Variants in LRP1B observed in about 807,000 individuals in gnomAD.
LRP1B encodes the protein low-density lipoprotein receptor-related protein 1B.
Under a neutral mutation model 556.6 loss-of-function variants are expected in LRP1B, and 217 were observed. The ratio of observed to expected loss-of-function variants is 0.39; its 90% confidence interval spans 0.35 to 0.44. The LOEUF (loss-of-function observed/expected upper bound fraction) is 0.44. Among genes scored for constraint, LRP1B ranks in the 20% least tolerant of loss-of-function variants. The probability of loss-of-function intolerance (pLI) is 1.00; values close to 1 mark genes in which losing one functional copy is unlikely to be tolerated. For synonymous variants in LRP1B, 2,047 were observed against 1,865.8 expected (o/e 1.10, Z -2.50); for missense variants, 5,053 against 5,620.8 (o/e 0.90, Z 3.23).
chr2:141,288,388 C>T lies in LRP1B; in HGVS notation c.344-33747G>A, dbSNP rs184327815. On this transcript the variant is annotated intron_variant, in intron 3 of 90. Coordinates refer to ENST00000389484, the MANE Select transcript of LRP1B (RefSeq NM_018557.3). Reference sequence around the variant, plus strand: ...CTTAAATAGAGCCATTTTTTTCCTCCACAATGCAGTGAAAATGCATATTTC... The same window carrying T: ...CTTAAATAGAGCCATTTTTTTCCTCTACAATGCAGTGAAAATGCATATTTC... Among the ~76,000 whole-genome samples, 170 of 151,956 alleles carry T rather than the reference C, an allele frequency of 1.1e-3. 1 individual carries two copies. The highest frequency in any genetic ancestry group is 3.4e-3 in the Middle Eastern group (1 of 294).
rs530482306 is a variant in LRP1B at position 141,220,470 on chromosome 2, G to A, written c.850+8713C>T. Among the ~76,000 whole-genome samples the A allele has an allele frequency of 1.9e-3, 293 of 152,202 alleles. 2 individuals carry two copies. Among genetic ancestry groups the A allele is most frequent in the African/African-American group, 6.6e-3 (274 of 41,542 alleles). The stretch of plus-strand genomic sequence containing the variant: ...ATGCGGTACCTGAAAGAGACAGGGA[G>A]AATGGAACTAAGTTGGAAAACATAC... On this transcript the variant is annotated intron_variant, in intron 6 of 90. Transcript: ENST00000389484.
At chr2:142,051,463 GT>G (rs1279750230) in intron 1 of LRP1B, among the ~76,000 whole-genome samples, 3 of 97,940 alleles carry the variant, frequency 3.1e-5, no homozygotes, top group Admixed American at 1.2e-4. Flanking sequence ...TTAAAGGTGT[GT>G]TTTTTTGTTT....
intron 20 of LRP1B, among the ~76,000 whole-genome samples, chr2:140,925,203 C>A (rs1694851923): frequency 6.6e-6 from 1 of 152,050 alleles, no homozygotes; most frequent in African/African-American, 2.4e-5. Flanking sequence ...AAACCAATCC[C>A]CAGTGTATAT....
chr2:140,819,018 T>G (rs749525220), intron 31 of LRP1B, among the ~76,000 whole-genome samples: 21 of 151,868 alleles, frequency 1.4e-4, no homozygotes, highest in Admixed American at 4.6e-4. Flanking sequence ...CCCTGGCTTC[T>G]CTGTGAAGTG....
chr2:140,609,473 G>A (rs1049379492), intron 41 of LRP1B, among the ~76,000 whole-genome samples: 3 of 151,554 alleles, frequency 2.0e-5, no homozygotes, highest in South Asian at 2.1e-4. Context: ...CCATACGTAC[G>A]TCCAACCATG....
intron 18 of LRP1B, among the ~76,000 whole-genome samples, chr2:140,952,556 G>C (rs1019339727): frequency 7.3e-5 from 11 of 150,374 alleles, no homozygotes; most frequent in African/African-American, 2.4e-4. Context: ...AAATAGCAAA[G>C]AATTAGATTT....
At chr2:140,588,977 A>G (rs1403837721) in intron 43 of LRP1B, among the ~76,000 whole-genome samples, 5 of 152,156 alleles carry the variant, frequency 3.3e-5, no homozygotes, top group East Asian at 3.8e-4. Flanking sequence ...AAAAAAAAAA[A>G]AAAAAGATGG....
intron 7 of LRP1B, among the ~76,000 whole-genome samples, chr2:141,094,426 G>A (rs1317142293): frequency 1.3e-5 from 2 of 151,860 alleles, no homozygotes; most frequent in Middle Eastern, 3.4e-3. Context: ...GTGTTTAAGG[G>A]GGTCTTAGAG....
At chr2:140,562,255 T>A (rs1680958366) in intron 43 of LRP1B, among the ~76,000 whole-genome samples, 1 of 152,184 alleles carries the variant, frequency 6.6e-6, no homozygotes, top group Admixed American at 6.5e-5. Flanking sequence ...ATATTTTGAC[T>A]GAATATTTGA....
At chr2:140,395,520 G>C (rs754655507) in intron 66 of LRP1B, among the ~76,000 whole-genome samples, 8 of 152,208 alleles carry the variant, frequency 5.3e-5, no homozygotes, top group Non-Finnish European at 1.0e-4. Flanking sequence ...AAAGTGGACA[G>C]GTTATGTGGA....
intron 41 of LRP1B, among the ~76,000 whole-genome samples, chr2:140,610,752 A>AT (rs1433588896): frequency 6.6e-6 from 1 of 152,010 alleles, no homozygotes; most frequent in Non-Finnish European, 1.5e-5. Flanking sequence ...TGGCCGGCTA[A>AT]TTTTTTGTAT....
chr2:141,886,291 A>C (rs1699107958), intron 1 of LRP1B, among the ~76,000 whole-genome samples: 1 of 152,016 alleles, frequency 6.6e-6, no homozygotes, highest in Admixed American at 6.6e-5. Flanking sequence ...TTTCCATTAT[A>C]TTTTTCTGCA....
chr2:140,744,209 T>C (rs1257281571), intron 35 of LRP1B, among the ~76,000 whole-genome samples: 1 of 151,792 alleles, frequency 6.6e-6, no homozygotes, highest in Non-Finnish European at 1.5e-5. Context: ...GATATACATA[T>C]ACCATTGCAT....
chr2:141,162,897 G>A (rs141063066), intron 7 of LRP1B, among the ~76,000 whole-genome samples: 2 of 152,208 alleles, frequency 1.3e-5, no homozygotes, highest in African/African-American at 4.8e-5. Flanking sequence ...TTTTCCAGAT[G>A]CTTATAGTAT....
rs185639515 is a variant in LRP1B, at chr2:140,999,757, G to T, written c.2503+5578C>A. On this transcript the variant is annotated intron_variant, in intron 15 of 90. Coordinates refer to ENST00000389484, the MANE Select transcript of LRP1B (RefSeq NM_018557.3). Reference sequence around the variant, plus strand: ...CTACTGAACATGTTTTGTTGTTTTTGGTTTGGCAATTAGGGCAAAGAAGAA... The same window carrying T: ...CTACTGAACATGTTTTGTTGTTTTTTGTTTGGCAATTAGGGCAAAGAAGAA... Among the ~76,000 whole-genome samples, 608 of 152,068 alleles carry T rather than the reference G, an allele frequency of 4.0e-3. 2 individuals carry two copies. The highest frequency in any genetic ancestry group is 7.0e-3 in the Non-Finnish European group (476 of 67,964).
intron 2 of LRP1B, among the ~76,000 whole-genome samples, chr2:141,635,911 T>C (rs1222704788): frequency 1.3e-5 from 2 of 152,198 alleles, no homozygotes; most frequent in Non-Finnish European, 2.9e-5. Context: ...TCTGGTTTTA[T>C]ACCTTCAGGA....
chr2:141,439,239 T>G lies in LRP1B; in HGVS notation c.343+41157A>C, dbSNP rs555131779. On this transcript the variant is annotated intron_variant, in intron 3 of 90. Transcript: ENST00000389484. ...ATGTACTACACGGGAACATATTAAA[T>G]GTGAGAAGTTCGTATGCTTTAGCAC... Among the ~76,000 whole-genome samples, 3 of 152,276 alleles carry G rather than the reference T, an allele frequency of 2.0e-5. No homozygotes were observed. The South Asian group carries it at 6.2e-4, about 32-fold the overall frequency.
At chr2:140,705,540 AAAAAAAAAAAAAAAAAAAAAC>A (rs1686803893) in intron 37 of LRP1B, among the ~76,000 whole-genome samples, 1 of 34,478 alleles carries the variant, frequency 2.9e-5, no homozygotes, top group South Asian at 8.9e-4. Context: ...AAAAAAAAAA[AAAAAAAAAAAAAAAAAAAAAC>A]ACAGACACAC....
At chr2:141,175,011 C>A (rs543172362) in intron 7 of LRP1B, among the ~76,000 whole-genome samples, 1 of 152,226 alleles carries the variant, frequency 6.6e-6, no homozygotes, top group Non-Finnish European at 1.5e-5. Flanking sequence ...TGGCCCTGCC[C>A]TGGAGATTTG....
Sources: gnomAD v4.1 joint callset for allele counts (sites outside exome capture counted in the v4.1 genomes callset) on GRCh38, gnomAD v4.1.1 for gene constraint, MANE v1.5 for transcripts, NCBI Gene and HGNC (gene_info 2026-07-23, HGNC 2026-07-21) for gene names.